RPTOR: variants seen among roughly 807,000 people sequenced by gnomAD.
The protein encoded by RPTOR is regulatory associated protein of MTOR complex 1, also known as regulatory-associated protein of mTOR.
In RPTOR, 21 loss-of-function variants were observed where a neutral mutation model predicts 169.9. That is an observed-to-expected ratio of 0.12 (90% confidence interval 0.09 to 0.18). The LOEUF is 0.18. Ranked by LOEUF, RPTOR falls within the 10% of genes least tolerant of loss-of-function variation. The pLI is 1.00. For missense variants in RPTOR, 1,133 were observed against 1,855.9 expected (o/e 0.61, Z 7.16); for synonymous variants, 732 against 753.2 (o/e 0.97, Z 0.46).
At chr17:80,770,402 C>T (rs1211406589) in intron 6 of RPTOR, among the ~76,000 whole-genome samples, 1 of 152,116 alleles carries the variant, frequency 6.6e-6, no homozygotes, top group Non-Finnish European at 1.5e-5. Context: ...AAGACATGTT[C>T]GTATCTCAGC....
At chr17:80,682,898 T>C (rs1308078071) in intron 3 of RPTOR, among the ~76,000 whole-genome samples, 2 of 152,148 alleles carry the variant, frequency 1.3e-5, no homozygotes, top group African/African-American at 4.8e-5. Flanking sequence ...ACTCCTGGGC[T>C]CAAGTGATTC....
At chr17:80,853,423 C>T (rs1174242878) in intron 11 of RPTOR, among the ~76,000 whole-genome samples, 1 of 152,148 alleles carries the variant, frequency 6.6e-6, no homozygotes, top group Non-Finnish European at 1.5e-5. Context: ...TCAGGGGCTC[C>T]CAGGGTCTGT....
At chr17:80,784,477 C>T (rs187796329) in intron 6 of RPTOR, among the ~76,000 whole-genome samples, 5 of 151,928 alleles carry the variant, frequency 3.3e-5, no homozygotes, top group African/African-American at 7.2e-5. Context: ...CTGCAACCTC[C>T]GCCTTCTGGG....
chr17:80,658,744 A>G (rs1224132705), intron 3 of RPTOR, among the ~76,000 whole-genome samples: 1 of 152,180 alleles, frequency 6.6e-6, no homozygotes, highest in Non-Finnish European at 1.5e-5. Context: ...GCTGTAGGTC[A>G]CTGATCCTCT....
In RPTOR at chr17:80,960,132, C is replaced by T. The variant is rs749152667; in HGVS notation, c.3532C>T (p.Arg1178Cys). ...GACGAGTCTGTCCTGTGATTCCCACCGCTCACTCATCGTGGCTGGCCTCGG... is the reference window on the plus strand; with the variant it reads ...GACGAGTCTGTCCTGTGATTCCCACTGCTCACTCATCGTGGCTGGCCTCGG... The part of the protein sequence containing the change: ...CVTSLSCDSH[R>C]SLIVAGLGDG... The change falls in exon 30 of 34, where the codon CGC (arginine) becomes TGC (cysteine). Residue 1178 changes from arginine (R) to cysteine (C), a missense_variant. Physicochemically the swap from Arg to Cys is radical, Grantham distance 180. Coordinates refer to ENST00000306801, the MANE Select transcript of RPTOR (RefSeq NM_020761.3). The surrounding 1 kb of genome is among the most constrained non-coding windows in gnomAD (Gnocchi z 4.8). The T allele has an allele frequency of 1.1e-5, 17 of 1,613,702 alleles. No homozygotes were observed. Among genetic ancestry groups the T allele is most frequent in the Non-Finnish European group, 1.4e-5 (17 of 1,179,996 alleles).
intron 17 of RPTOR, among the ~76,000 whole-genome samples, chr17:80,886,227 G>A (rs1193403791): frequency 6.6e-6 from 1 of 152,254 alleles, no homozygotes; most frequent in Admixed American, 6.5e-5. Flanking sequence ...ACTTGGGAGG[G>A]ACGTGACCCG....
intron 1 of RPTOR, among the ~76,000 whole-genome samples, chr17:80,582,265 G>A (rs1348032705): frequency 1.3e-5 from 2 of 152,198 alleles, no homozygotes; most frequent in Non-Finnish European, 2.9e-5. Context: ...ACTTAGATGG[G>A]TTGAACCTTT....
Position 80,965,584 on chromosome 17 carries a change from G to T in RPTOR, c.*1254G>T, listed in dbSNP as rs2069417225. 1 of 233,272 alleles carries T rather than the reference G, an allele frequency of 4.3e-6. No homozygotes were observed. The highest frequency in any genetic ancestry group is 1.8e-4 in the South Asian group (1 of 5,538). The allele number at this position is 233,272 out of a possible 1,614,324, so 14.5% of individuals were successfully genotyped here. On this transcript the variant is annotated 3_prime_UTR_variant, in exon 34 of 34. Transcript: ENST00000306801. The stretch of plus-strand genomic sequence containing the variant: ...GGATTATTGAGAGGTGAAGGAGCCA[G>T]GTGGCTTCATTCTGGCGGTGAGAGG...
At chr17:80,911,596 G>A (rs2068613717) in intron 21 of RPTOR, among the ~76,000 whole-genome samples, 1 of 152,042 alleles carries the variant, frequency 6.6e-6, no homozygotes, top group African/African-American at 2.4e-5. Flanking sequence ...ACCAGCCTGG[G>A]AAACATAGTG....
chr17:80,777,667 C>T (rs1046365130), intron 6 of RPTOR, among the ~76,000 whole-genome samples: 5 of 152,080 alleles, frequency 3.3e-5, no homozygotes, highest in East Asian at 1.9e-4. Context: ...TTTAAGAAGC[C>T]GTTGCTTAAT....
rs1567864617 is a variant in RPTOR at position 80,700,712 on chromosome 17, G to GTAGAGA, written c.349-7128_349-7127insAGAGAT. Among the ~76,000 whole-genome samples, 9 of 4,206 alleles carry GTAGAGA rather than the reference G, an allele frequency of 2.1e-3. 1 individual carries two copies. The East Asian group carries it at 0.022, about 10-fold the overall frequency. The allele number at this position is 4,206 out of a possible 152,430, so 2.8% of individuals were successfully genotyped here. A position where few individuals can be genotyped will look rare whatever the true frequency, so the allele number is the denominator to read the frequency against. On this transcript the variant is annotated intron_variant, in intron 3 of 33. Transcript: ENST00000306801. ...GGTGATGGTGATGGTGGTGGTGATG[G>GTAGAGA]TGGTGGTGGTGGTGGTGATGATGGT...
intron 20 of RPTOR, among the ~76,000 whole-genome samples, chr17:80,896,112 C>T (rs1170505376): frequency 2.6e-5 from 4 of 151,882 alleles, no homozygotes; most frequent in Admixed American, 2.0e-4. Flanking sequence ...ACATTTTCTT[C>T]CAAGATTTAA....
At position 80,922,159 on chromosome 17, in the gene RPTOR, C is replaced by T. The variant is rs533804421; in HGVS notation, c.2521-565C>T. Among the ~76,000 whole-genome samples, 22 of 152,320 alleles carry T rather than the reference C, an allele frequency of 1.4e-4. No homozygotes were observed. The East Asian group carries it at 4.1e-3, about 28-fold the overall frequency. On this transcript the variant is annotated intron_variant, in intron 21 of 33. Coordinates refer to ENST00000306801, the MANE Select transcript of RPTOR (RefSeq NM_020761.3). ...TGGTGGCTTTCCACCCCGTGCCCAC[C>T]GGCCAGGTCCCGGGTGGATGAAGCA...
rs1205005246 is a variant in RPTOR, at chr17:80,845,248, C to T, written c.1213-1225C>T. ...CACGTGGCTGGGCTAACTGGGAGCT[C>T]GGGCCCACCCGGTGTGGCCCACGGA... On this transcript the variant is annotated intron_variant, in intron 10 of 33. Transcript: ENST00000306801. The surrounding 1 kb of genome is among the most constrained non-coding windows in gnomAD (Gnocchi z 5.4). 6.6e-6 allele frequency among the ~76,000 whole-genome samples: 1 copy of T among 152,108 alleles called. No individual in the cohort carries two copies. The highest frequency in any genetic ancestry group is 2.4e-5 in the African/African-American group (1 of 41,428).
At chr17:80,564,919 A>AT (rs1439698617) in intron 1 of RPTOR, among the ~76,000 whole-genome samples, 1 of 152,202 alleles carries the variant, frequency 6.6e-6, no homozygotes, top group South Asian at 2.1e-4. Flanking sequence ...ACATGATCTT[A>AT]TTTTTTTGTG....
intron 28 of RPTOR, among the ~76,000 whole-genome samples, chr17:80,952,439 G>A (rs755360671): frequency 3.9e-5 from 6 of 152,100 alleles, no homozygotes; most frequent in Admixed American, 6.5e-5. Context: ...CAGGCCCTCC[G>A]CCAGCTTCTG....
intron 24 of RPTOR, among the ~76,000 whole-genome samples, chr17:80,937,071 G>A (rs753402549): frequency 5.9e-5 from 9 of 152,186 alleles, no homozygotes; most frequent in Non-Finnish European, 1.0e-4. Flanking sequence ...TTGCTAAACC[G>A]TGGGGAAAAT....
intron 6 of RPTOR, among the ~76,000 whole-genome samples, chr17:80,768,210 G>A (rs988560420): frequency 1.3e-5 from 2 of 152,022 alleles, no homozygotes; most frequent in Non-Finnish European, 2.9e-5. Flanking sequence ...TTTGGTTCAC[G>A]TTGGGACTTA....
rs1273625621 is a variant in RPTOR at position 80,844,684 on chromosome 17, G to A, written c.1213-1789G>A. Among the ~76,000 whole-genome samples the A allele has an allele frequency of 1.3e-5, 2 of 152,312 alleles. No individual in the cohort carries two copies. Among genetic ancestry groups the A allele is most frequent in the African/African-American group, 4.8e-5 (2 of 41,582 alleles). On this transcript the variant is annotated intron_variant, in intron 10 of 33. Coordinates refer to ENST00000306801, the MANE Select transcript of RPTOR (RefSeq NM_020761.3). This position sits in a 1 kb window ranked among gnomAD's most constrained non-coding sequence, Gnocchi z 4.7. ...ATGTTCTCGGCTGACTTTTTAAGTC[G>A]GGCCACGGGGCTCTGCCCGCCAGGC...
Sources: allele counts gnomAD v4.1 joint callset (sites outside exome capture counted in the v4.1 genomes callset), GRCh38; gene constraint gnomAD v4.1.1; non-coding constraint Gnocchi (gnomAD v3.1); transcripts MANE v1.5; gene names NCBI Gene and HGNC (gene_info 2026-07-23, HGNC 2026-07-21).